The following PDE4D variants were observed in gnomAD, a reference collection of about 807,000 sequenced individuals.
The protein encoded by PDE4D is phosphodiesterase 4D.
PDE4D carries 24 observed loss-of-function variants against 87.4 expected under a neutral mutation model. The ratio of observed to expected loss-of-function variants is 0.27; its 90% CI spans 0.20 to 0.39. The LOEUF (loss-of-function observed/expected upper bound fraction) is 0.39, where lower values mean the gene tolerates loss of function less well. Ranked by LOEUF, PDE4D falls within the 10% of genes least tolerant of loss-of-function variation. The pLI is 1.00. For synonymous variants in PDE4D, 384 were observed against 383.2 expected, an observed-to-expected ratio of 1.00 and a Z score of -0.02; for missense variants, 714 against 1,041.0, an observed-to-expected ratio of 0.69 and a Z score of 4.32.
chr5:60,457,672 A>G (rs1746578490), intron 1 of PDE4D, among the ~76,000 whole-genome samples: 1 of 152,196 alleles, frequency 6.6e-6, no homozygotes, highest in African/African-American at 2.4e-5. Context: ...GAAGTCCTAG[A>G]ATCCTAGACT....
chr5:59,661,097 T>TATATATATATATA (rs1561426172), intron 1 of PDE4D, among the ~76,000 whole-genome samples: 2 of 147,794 alleles, frequency 1.4e-5, no homozygotes, highest in African/African-American at 5.0e-5. Flanking sequence ...TATATATATA[T>TATATATATATATA]TTTGTCATCT....
Position 59,483,437 on chromosome 5 carries a change from T to C in PDE4D, c.456-267469A>G, listed in dbSNP as rs138467180. Among the ~76,000 whole-genome samples, 443 of 152,292 alleles carry C rather than the reference T, an allele frequency of 2.9e-3. 1 individual carries two copies. Among genetic ancestry groups the C allele is most frequent in the African/African-American group, 0.01 (419 of 41,584 alleles). ...GGAATTCCATAAAAAATAATTTTCA[T>C]AGCCTTTAAAATCCTCTACAGTTCC... On this transcript the variant is annotated intron_variant, in intron 1 of 14. Transcript: ENST00000340635.
intron 1 of PDE4D, among the ~76,000 whole-genome samples, chr5:59,767,155 T>G (rs1380429030): frequency 6.6e-6 from 1 of 152,260 alleles, no homozygotes; most frequent in South Asian, 2.1e-4. Flanking sequence ...TTCTGCTTTT[T>G]TTTTCCCTCC....
chr5:59,377,281 G>A (rs1383211784), intron 1 of PDE4D, among the ~76,000 whole-genome samples: 6 of 152,064 alleles, frequency 3.9e-5, no homozygotes, highest in African/African-American at 1.5e-4. Context: ...GCTGGGCGTG[G>A]TGGCGGGCGC....
intron 1 of PDE4D, among the ~76,000 whole-genome samples, chr5:59,548,203 T>C (rs1023858140): frequency 2.0e-5 from 3 of 152,184 alleles, no homozygotes; most frequent in African/African-American, 4.8e-5. Context: ...GTTTCTATTA[T>C]TTGCAACTAA....
chr5:60,240,494 C>T (rs1219215950), intron 1 of PDE4D, among the ~76,000 whole-genome samples: 1 of 152,056 alleles, frequency 6.6e-6, no homozygotes, highest in Non-Finnish European at 1.5e-5. Context: ...ACTGAAGAGT[C>T]CTTGGGCCTT....
At chr5:60,436,418 G>C (rs1744763712) in intron 1 of PDE4D, among the ~76,000 whole-genome samples, 1 of 151,972 alleles carries the variant, frequency 6.6e-6, no homozygotes, top group African/African-American at 2.4e-5. Flanking sequence ...TCCTTTGAAT[G>C]TTTTCAAGAC....
At chr5:60,303,825 T>C (rs774098718) in intron 1 of PDE4D, among the ~76,000 whole-genome samples, 101 of 152,334 alleles carry the variant, frequency 6.6e-4, no homozygotes, top group Middle Eastern at 3.4e-3. Flanking sequence ...GATCCAGAGC[T>C]GAGTTCAGGT....
chr5:59,787,694 A>G (rs933383806), intron 1 of PDE4D, among the ~76,000 whole-genome samples: 4 of 152,224 alleles, frequency 2.6e-5, no homozygotes, highest in Non-Finnish European at 5.9e-5. Context: ...TGAAGTGATT[A>G]CTAGAAAATA....
At chr5:60,305,238 T>G (rs1244422128) in intron 1 of PDE4D, among the ~76,000 whole-genome samples, 1 of 152,034 alleles carries the variant, frequency 6.6e-6, no homozygotes, top group African/African-American at 2.4e-5. Context: ...ATGAAGAGGA[T>G]TCCAGGTAGG....
At chr5:59,773,948 T>C (rs1763827500) in intron 1 of PDE4D, among the ~76,000 whole-genome samples, 1 of 152,124 alleles carries the variant, frequency 6.6e-6, no homozygotes, top group South Asian at 2.1e-4. Flanking sequence ...ATAGAAATGA[T>C]TGGTGCCTTC....
intron 1 of PDE4D, among the ~76,000 whole-genome samples, chr5:60,371,942 G>C (rs1761063198): frequency 6.6e-6 from 1 of 152,168 alleles, no homozygotes; most frequent in African/African-American, 2.4e-5. Context: ...ATATGCATAT[G>C]TCTTTCAGTA....
At chr5:59,843,759 G>T (rs1232656649) in intron 1 of PDE4D, among the ~76,000 whole-genome samples, 1 of 152,040 alleles carries the variant, frequency 6.6e-6, no homozygotes, top group African/African-American at 2.4e-5. Flanking sequence ...AGTCCACTGG[G>T]TGCTTGGGAA....
intron 1 of PDE4D, among the ~76,000 whole-genome samples, chr5:59,328,380 T>G (rs955058652): frequency 6.6e-6 from 1 of 152,304 alleles, no homozygotes; most frequent in Admixed American, 6.5e-5. Context: ...ATTATATAAG[T>G]ATAGCTGTTA....
intron 1 of PDE4D, among the ~76,000 whole-genome samples, chr5:59,861,452 C>T (rs1345421938): frequency 6.6e-6 from 1 of 152,286 alleles, no homozygotes; most frequent in African/African-American, 2.4e-5. Context: ...TACTTCTACA[C>T]AACATTCTCT....
intron 1 of PDE4D, among the ~76,000 whole-genome samples, chr5:59,874,054 T>A (rs78289934): frequency 0.012 from 1,817 of 151,634 alleles, 36 homozygotes; most frequent in African/African-American, 0.038. Flanking sequence ...TACAGAAAAA[T>A]TTTTTTTTAA....
intron 1 of PDE4D, among the ~76,000 whole-genome samples, chr5:59,386,293 TAA>T (rs1395566816): frequency 1.3e-5 from 2 of 152,162 alleles, no homozygotes; most frequent in African/African-American, 4.8e-5. Flanking sequence ...TTTGAGATGT[TAA>T]GAGTCCAGTT....
chr5:59,415,147 CA>C (rs922315942), intron 1 of PDE4D, among the ~76,000 whole-genome samples: 4 of 152,124 alleles, frequency 2.6e-5, no homozygotes, highest in African/African-American at 9.7e-5. Flanking sequence ...TGAGATTTTA[CA>C]GTGTACATCT....
At chr5:59,358,393 T>C (rs1034704797) in intron 1 of PDE4D, among the ~76,000 whole-genome samples, 4 of 152,190 alleles carry the variant, frequency 2.6e-5, no homozygotes, top group African/African-American at 9.6e-5. Context: ...TTTTTGCTTT[T>C]GTATAGAGAT....
Sources: allele counts gnomAD v4.1 joint callset (sites outside exome capture counted in the v4.1 genomes callset), GRCh38; gene constraint gnomAD v4.1.1; transcripts MANE v1.5; gene names NCBI Gene and HGNC (gene_info 2026-07-23, HGNC 2026-07-21).